Variants in NNT observed in about 807,000 individuals in gnomAD.
NNT encodes nicotinamide nucleotide transhydrogenase.
In NNT, 50 loss-of-function variants were observed where a neutral mutation model predicts 104.8. The ratio of observed to expected loss-of-function variants is 0.48; its 90% CI spans 0.38 to 0.60. The LOEUF (loss-of-function observed/expected upper bound fraction) is 0.60. Ranked by LOEUF, NNT falls within the 20% of genes least tolerant of loss-of-function variation. NNT has a pLI of 0.00. For synonymous variants in NNT, 461 were observed against 490.4 expected, an observed-to-expected ratio of 0.94 and a Z score of 0.79; for missense variants, 1,131 against 1,330.7, an observed-to-expected ratio of 0.85 and a Z score of 2.33.
At chr5:43,631,472 A>G (rs1446662541) in intron 7 of NNT, among the ~76,000 whole-genome samples, 3 of 152,290 alleles carry the variant, frequency 2.0e-5, no homozygotes, top group Admixed American at 1.3e-4. Flanking sequence ...GCAGCTGCGC[A>G]TTAGCGGGGA....
intron 8 of NNT, 134 bp downstream of exon 8, chr5:43,644,459 C>T (rs896683078): frequency 2.3e-5 from 28 of 1,226,378 alleles, no homozygotes; most frequent in Non-Finnish European, 3.1e-5. Context: ...TTTAAAGCTC[C>T]TGTTGAAATA....
In NNT at chr5:43,650,593, A is replaced by G. The variant is rs1739706404; in HGVS notation, c.1717+6A>G. ...ATCCTCTGTCAACATTGCAGGTATG[A>G]TGTCAGTGAAAGGTCTCAGTACTAT... On this transcript the variant is annotated splice_donor_region_variant and intron_variant, in intron 12 of 21. Transcript: ENST00000344920. The G allele has an allele frequency of 1.3e-6, 2 of 1,599,910 alleles. No individual in the cohort carries two copies. The highest frequency in any genetic ancestry group is 1.7e-5 in the Admixed American group (1 of 59,974).
At chr5:43,691,269 T>G (rs112891237) in intron 19 of NNT, among the ~76,000 whole-genome samples, 359 of 152,226 alleles carry the variant, frequency 2.4e-3, no homozygotes, top group African/African-American at 8.3e-3. Context: ...CCCAGCTAAT[T>G]TTTGTATTTT....
At chr5:43,669,893 TG>T (rs1255640261) in intron 17 of NNT, among the ~76,000 whole-genome samples, 3 of 152,156 alleles carry the variant, frequency 2.0e-5, no homozygotes, top group African/African-American at 7.2e-5. Context: ...AGAATTCAGC[TG>T]TGAATCCATC....
intron 10 of NNT, 169 bp downstream of exon 10, chr5:43,645,679 C>CTA (rs1161609592): frequency 2.9e-3 from 216 of 74,804 alleles, no homozygotes; most frequent in East Asian, 0.014. Context: ...CTCTCTCTCT[C>CTA]TCTCTATATA....
intron 19 of NNT, among the ~76,000 whole-genome samples, chr5:43,691,590 A>G (rs1742288093): frequency 6.6e-6 from 1 of 152,218 alleles, no homozygotes; most frequent in Non-Finnish European, 1.5e-5. Flanking sequence ...AGTTAATTTG[A>G]AATGTTGATT....
chr5:43,603,884 G>A (rs2079350351), intron 1 of NNT, among the ~76,000 whole-genome samples: 2 of 152,114 alleles, frequency 1.3e-5, no homozygotes, highest in African/African-American at 4.8e-5. Flanking sequence ...AGTTTCTGGG[G>A]CCTAGGCTGG....
At chr5:43,629,498 T>G (rs1413282913) in intron 7 of NNT, among the ~76,000 whole-genome samples, 1 of 152,204 alleles carries the variant, frequency 6.6e-6, no homozygotes, top group African/African-American at 2.4e-5. Flanking sequence ...TACCAAGTAG[T>G]GAGACTGCTG....
At chr5:43,695,033 G>A (rs1742487475) in intron 19 of NNT, among the ~76,000 whole-genome samples, 1 of 152,122 alleles carries the variant, frequency 6.6e-6, no homozygotes, top group Admixed American at 6.5e-5. Context: ...TTGGGACGGT[G>A]TATGTGTCCA....
chr5:43,652,035 T>A, intron 13 of NNT, 151 bp downstream of exon 13: 1 of 846,238 alleles, frequency 1.2e-6, no homozygotes, highest in Non-Finnish European at 1.8e-6. Context: ...TTGGTCAAAC[T>A]GAGCATTCTC....
chr5:43,655,097 T>G (rs953115901), intron 14 of NNT, among the ~76,000 whole-genome samples: 3 of 152,178 alleles, frequency 2.0e-5, no homozygotes, highest in African/African-American at 7.2e-5. Context: ...AAAACCAAGG[T>G]CTTCTTCATG....
intron 18 of NNT, 116 bp from the exon 19 acceptor site, chr5:43,677,609 T>C (rs1741486719): frequency 1.2e-6 from 1 of 860,718 alleles, no homozygotes; most frequent in Non-Finnish European, 1.9e-6. Context: ...TTTCTAGTCC[T>C]GTTAAATGAT....
intron 19 of NNT, among the ~76,000 whole-genome samples, chr5:43,697,489 G>C (rs1259884892): frequency 6.6e-6 from 1 of 152,148 alleles, no homozygotes; most frequent in East Asian, 1.9e-4. Flanking sequence ...GCCTCTGCCT[G>C]TTACCCAGTT....
chr5:43,650,636 A>C (rs575924837), intron 12 of NNT, 49 bp downstream of exon 12: 1 of 1,352,714 alleles, frequency 7.4e-7, no homozygotes, highest in African/African-American at 1.4e-5. Context: ...GGAGACATAC[A>C]AAGCAAATAT....
chr5:43,665,386 C>T (rs1397404343), intron 17 of NNT, among the ~76,000 whole-genome samples: 5 of 152,030 alleles, frequency 3.3e-5, no homozygotes, highest in Non-Finnish European at 5.9e-5. Flanking sequence ...CTGCCGCCTT[C>T]CACAGTGTTT....
chr5:43,609,421 G>T (rs186326985), intron 2 of NNT, 75 bp downstream of exon 2: 12 of 1,458,746 alleles, frequency 8.2e-6, no homozygotes, highest in Admixed American at 7.8e-5. Flanking sequence ...ATTGATAAAA[G>T]GAAAAGCCAT....
rs775965280 is a variant in NNT at position 43,616,074 on chromosome 5, T to G, written c.599+9T>G. On this transcript the variant is annotated intron_variant, in intron 4 of 21. Transcript: ENST00000344920. Reference sequence around the variant, plus strand: ...ATGGCCAACATTGCGGGGTAGGTTCTTTTCCATTTCAATTGAACAAAAGCG... The same window carrying G: ...ATGGCCAACATTGCGGGGTAGGTTCGTTTCCATTTCAATTGAACAAAAGCG... The G allele has an allele frequency of 1.2e-6, 2 of 1,608,210 alleles. No individual in the cohort carries two copies. Among genetic ancestry groups the G allele is most frequent in the Admixed American group, 1.7e-5 (1 of 59,192 alleles).
chr5:43,684,593 A>C (rs968311816), intron 19 of NNT, among the ~76,000 whole-genome samples: 1 of 151,610 alleles, frequency 6.6e-6, no homozygotes, highest in Non-Finnish European at 1.5e-5. Flanking sequence ...TTCCCTTCGG[A>C]TGGATAGACT....
intron 7 of NNT, among the ~76,000 whole-genome samples, chr5:43,634,098 T>A (rs1044283540): frequency 6.6e-6 from 1 of 152,218 alleles, no homozygotes; most frequent in Non-Finnish European, 1.5e-5. Flanking sequence ...ATACTTTTTG[T>A]TTTTATCTAT....
Sources: gnomAD v4.1 joint callset for allele counts (sites outside exome capture counted in the v4.1 genomes callset) on GRCh38, gnomAD v4.1.1 for gene constraint, MANE v1.5 for transcripts, NCBI Gene and HGNC (gene_info 2026-07-23, HGNC 2026-07-21) for gene names.